The following KATNIP variants were observed in gnomAD, a reference collection of about 807,000 sequenced individuals.
KATNIP encodes the protein katanin interacting protein.
In KATNIP, 126 loss-of-function variants were observed where a neutral mutation model predicts 174.0. That is an observed-to-expected ratio of 0.72 (90% CI 0.63 to 0.84). The LOEUF (loss-of-function observed/expected upper bound fraction) is 0.84. KATNIP is among the 40% of genes least tolerant of loss of function. KATNIP has a pLI of 0.00. For synonymous variants in KATNIP, 810 were observed against 835.7 expected, an observed-to-expected ratio of 0.97 and a Z score of 0.53; for missense variants, 1,958 against 2,109.7, an observed-to-expected ratio of 0.93 and a Z score of 1.41.
intron 8 of KATNIP, among the ~76,000 whole-genome samples, chr16:27,688,510 G>A (rs1337731969): frequency 6.6e-6 from 1 of 152,180 alleles, no homozygotes; most frequent in Non-Finnish European, 1.5e-5. Context: ...AGAATTGCTT[G>A]AACCCGGGAG....
At chr16:27,571,838 A>G (rs1214293366) in intron 1 of KATNIP, among the ~76,000 whole-genome samples, 1 of 152,174 alleles carries the variant, frequency 6.6e-6, no homozygotes, top group Admixed American at 6.5e-5. Flanking sequence ...CTTAGGGCTC[A>G]CTCGGAATCC....
At chr16:27,720,094 T>G (rs181459584) in intron 13 of KATNIP, among the ~76,000 whole-genome samples, 28 of 152,252 alleles carry the variant, frequency 1.8e-4, no homozygotes, top group Non-Finnish European at 3.5e-4. Flanking sequence ...TTACAGTCTC[T>G]TCTCTGTTTG....
At chr16:27,762,791 C>A (rs762162359) in intron 19 of KATNIP, among the ~76,000 whole-genome samples, 4 of 152,204 alleles carry the variant, frequency 2.6e-5, no homozygotes, top group Non-Finnish European at 4.4e-5. Context: ...CCTGGCAAGT[C>A]ACTCTCCTGA....
intron 6 of KATNIP, among the ~76,000 whole-genome samples, chr16:27,670,333 T>A (rs992524229): frequency 3.3e-5 from 5 of 152,232 alleles, no homozygotes; most frequent in African/African-American, 1.2e-4. Context: ...TGTGCATAAA[T>A]GCCTAGTATT....
At chr16:27,578,932 G>C (rs938903978) in intron 2 of KATNIP, among the ~76,000 whole-genome samples, 2 of 152,112 alleles carry the variant, frequency 1.3e-5, no homozygotes, top group African/African-American at 4.8e-5. Flanking sequence ...GAAGTCAGTA[G>C]GTAATTTCAG....
chr16:27,673,846 C>T (rs1332274527), intron 6 of KATNIP, among the ~76,000 whole-genome samples: 2 of 152,188 alleles, frequency 1.3e-5, no homozygotes, highest in African/African-American at 4.8e-5. Flanking sequence ...CTAAGGGTCC[C>T]ATCACCAATG....
Position 27,665,257 on chromosome 16 carries a change from CCA to C in KATNIP, c.541-12470_541-12469del, listed in dbSNP as rs573909420. ...TAGCTGGGATTATAGGCATCCACCA[CCA>C]CGCCTGGCTAATTTTTTGTATTTTT... On this transcript the variant is annotated intron_variant, in intron 6 of 27. Coordinates refer to ENST00000261588, the MANE Select transcript of KATNIP (RefSeq NM_015202.5). Among the ~76,000 whole-genome samples, 72 of 152,034 alleles carry C rather than the reference CCA, an allele frequency of 4.7e-4. No homozygotes were observed. The East Asian group carries it at 0.013, about 27-fold the overall frequency.
At chr16:27,638,250 G>T (rs1355871527) in intron 5 of KATNIP, among the ~76,000 whole-genome samples, 1 of 152,208 alleles carries the variant, frequency 6.6e-6, no homozygotes, top group Non-Finnish European at 1.5e-5. Flanking sequence ...GGCCACATGA[G>T]CAGGAACCAT....
rs187091249 is a variant in KATNIP at position 27,774,559 on chromosome 16, A to G, written c.4310-386A>G. 4.1e-3 allele frequency among the ~76,000 whole-genome samples: 630 copies of G among 152,230 alleles called. 3 individuals are homozygous for G. The highest frequency in any genetic ancestry group is 0.015 in the African/African-American group (605 of 41,540). On this transcript the variant is annotated intron_variant, in intron 23 of 27. Coordinates refer to ENST00000261588, the MANE Select transcript of KATNIP (RefSeq NM_015202.5). The stretch of plus-strand genomic sequence containing the variant: ...AAGAGAGGCTCGGCATGATACTCAC[A>G]TGCCAGGGTAGAATCCAGCCACCGC...
At chr16:27,575,203 G>A (rs1481872595) in intron 2 of KATNIP, among the ~76,000 whole-genome samples, 3 of 152,206 alleles carry the variant, frequency 2.0e-5, no homozygotes, top group Non-Finnish European at 4.4e-5. Context: ...TATCAAGAAA[G>A]CCTTTGCAGA....
At chr16:27,674,970 G>C (rs1274316828) in intron 6 of KATNIP, among the ~76,000 whole-genome samples, 1 of 152,174 alleles carries the variant, frequency 6.6e-6, no homozygotes, top group Non-Finnish European at 1.5e-5. Flanking sequence ...GACCTGTCTT[G>C]GGGCAAAATT....
At chr16:27,554,645 A>G (rs554180301) in intron 1 of KATNIP, among the ~76,000 whole-genome samples, 166 of 152,168 alleles carry the variant, frequency 1.1e-3, no homozygotes, top group Non-Finnish European at 1.9e-3. Flanking sequence ...TTAGGACGTT[A>G]TTGTAGCCTA....
rs2082487944 is a variant in KATNIP at position 27,776,084 on chromosome 16, CAT to C, written c.4450-843_4450-842del. ...TGTTGCTCTCGCGGCTGGACTCCAA[CAT>C]CTGTATCTGCTTGAGCCTCACAGGC... On this transcript the variant is annotated intron_variant, in intron 24 of 27. Transcript: ENST00000261588. This position sits in a 1 kb window ranked among gnomAD's most constrained non-coding sequence, Gnocchi z 4.7. Among the ~76,000 whole-genome samples the C allele has an allele frequency of 6.6e-6, 1 of 152,166 alleles. No homozygotes were observed. The highest frequency in any genetic ancestry group is 2.4e-5 in the African/African-American group (1 of 41,434).
chr16:27,589,614 T>C (rs1347200243), intron 2 of KATNIP, among the ~76,000 whole-genome samples: 1 of 152,224 alleles, frequency 6.6e-6, no homozygotes, highest in Non-Finnish European at 1.5e-5. Context: ...GTCTTTCTAA[T>C]TGTATGGAAT....
intron 6 of KATNIP, among the ~76,000 whole-genome samples, chr16:27,651,802 C>T (rs2077129575): frequency 6.6e-6 from 1 of 152,194 alleles, no homozygotes; most frequent in Non-Finnish European, 1.5e-5. Flanking sequence ...TCACTGCAAC[C>T]TCTGCCTCCA....
chr16:27,759,067 A>G (rs1293274690), intron 18 of KATNIP, among the ~76,000 whole-genome samples: 1 of 152,218 alleles, frequency 6.6e-6, no homozygotes, highest in East Asian at 1.9e-4. Context: ...GCAGATATCT[A>G]CTGAAGCCCT....
At chr16:27,553,975 G>T (rs1247538762) in intron 1 of KATNIP, among the ~76,000 whole-genome samples, 1 of 150,562 alleles carries the variant, frequency 6.6e-6, no homozygotes, top group Non-Finnish European at 1.5e-5. Flanking sequence ...GGGGTGGGGT[G>T]GGGGGAGAGA....
chr16:27,621,027 G>A (rs2076178560), intron 3 of KATNIP, among the ~76,000 whole-genome samples: 1 of 152,178 alleles, frequency 6.6e-6, no homozygotes, highest in African/African-American at 2.4e-5. Context: ...AGCTGGGCAT[G>A]GTGGCTTCTG....
At chr16:27,732,959 C>T (rs1288001490) in intron 14 of KATNIP, among the ~76,000 whole-genome samples, 2 of 152,214 alleles carry the variant, frequency 1.3e-5, no homozygotes, top group Non-Finnish European at 2.9e-5. Context: ...CTGGGCTGTG[C>T]CTGAAGTCCA....
Sources: allele counts gnomAD v4.1 joint callset (sites outside exome capture counted in the v4.1 genomes callset), GRCh38; gene constraint gnomAD v4.1.1; non-coding constraint Gnocchi (gnomAD v3.1); transcripts MANE v1.5; gene names NCBI Gene and HGNC (gene_info 2026-07-23, HGNC 2026-07-21).